The following MAP7 variants were observed in gnomAD, a reference collection of about 807,000 sequenced individuals.
MAP7 encodes the protein ensconsin.
MAP7 carries 52 observed loss-of-function variants against 94.8 expected under a neutral mutation model. That is an observed-to-expected ratio of 0.55 (90% confidence interval 0.44 to 0.69). MAP7 has a LOEUF of 0.69. Among genes scored for constraint, MAP7 ranks in the 30% least tolerant of loss-of-function variants. The pLI, the probability that MAP7 is intolerant of heterozygous loss-of-function variation, is 0.00. For missense variants in MAP7, 940 were observed against 964.6 expected (o/e 0.97, Z 0.34); for synonymous variants, 350 against 357.0 (o/e 0.98, Z 0.22).
chr6:136,388,627 T>C (rs1190306024), intron 4 of MAP7, 117 bp from the exon 5 acceptor site: 7 of 778,468 alleles, frequency 9.0e-6, no homozygotes, highest in Non-Finnish European at 1.5e-5. Flanking sequence ...CTATTCTTGA[T>C]CTCTAGCTGA....
chr6:136,364,220 C>T, intron 10 of MAP7: 1 of 540,180 alleles, frequency 1.9e-6, no homozygotes, highest in Non-Finnish European at 3.7e-6. Flanking sequence ...AGGATAAGAT[C>T]AATGCCCTCA....
chr6:136,377,652 A>G (rs1776574036), intron 7 of MAP7, 103 bp downstream of exon 7: 1 of 806,688 alleles, frequency 1.2e-6, no homozygotes, highest in East Asian at 2.7e-5. Context: ...CCACCGGGGG[A>G]AGAGAGAAGC....
At position 136,356,735 on chromosome 6, in the gene MAP7, G is replaced by A. The variant is rs770743019; in HGVS notation, c.1972C>T (p.Pro658Ser). The change falls in exon 16 of 18, where the codon CCA becomes TCA. Residue 658 changes from proline (P) to serine (S), a missense_variant. Coordinates refer to ENST00000354570, the MANE Select transcript of MAP7 (RefSeq NM_003980.6). ...APGNGKPVGS[P>S]HVVTSHQSKV... ...GACTGGTGTGAGGTAACCACATGTG[G>A]GCTGCCAACTGGCTTTCCATTTCCC... 3 of 1,614,114 alleles carry A rather than the reference G, an allele frequency of 1.9e-6. No homozygotes were observed. Among genetic ancestry groups the A allele is most frequent in the Non-Finnish European group, 2.5e-6 (3 of 1,180,026 alleles).
At chr6:136,541,011 G>A (rs886113796) in intron 1 of MAP7, among the ~76,000 whole-genome samples, 12 of 152,114 alleles carry the variant, frequency 7.9e-5, no homozygotes, top group African/African-American at 2.4e-4. Context: ...AACCCACCAC[G>A]CCTGTGGTGA....
At position 136,498,711 on chromosome 6, in the gene MAP7, C is replaced by T. The variant is rs1016445966; in HGVS notation, c.67+51631G>A. Among the ~76,000 whole-genome samples, 3 of 151,798 alleles carry T rather than the reference C, an allele frequency of 2.0e-5. No individual in the cohort carries two copies. The East Asian group carries it at 5.8e-4, about 29-fold the overall frequency. On this transcript the variant is annotated intron_variant, in intron 1 of 17. Coordinates refer to ENST00000354570, the MANE Select transcript of MAP7 (RefSeq NM_003980.6). ...GAACCAAGAGATCCCACAAGCCATT[C>T]GGTCACAGGTGGCTTGGGCAATTGT...
chr6:136,375,564 A>G (rs1004362349), intron 7 of MAP7, among the ~76,000 whole-genome samples: 4 of 152,240 alleles, frequency 2.6e-5, no homozygotes, highest in Non-Finnish European at 5.9e-5. Context: ...ACAATAGATG[A>G]AAAATAAAAA....
chr6:136,360,667 T>C (rs755792191), intron 13 of MAP7, 30 bp downstream of exon 13: 1 of 1,603,612 alleles, frequency 6.2e-7, no homozygotes, highest in Admixed American at 1.7e-5. Context: ...CAAGTTCGCG[T>C]CCCGGGCCTC....
chr6:136,479,270 T>C (rs895858136), intron 1 of MAP7, among the ~76,000 whole-genome samples: 1 of 152,118 alleles, frequency 6.6e-6, no homozygotes, highest in Non-Finnish European at 1.5e-5. Context: ...CATAATTATT[T>C]CAAGTGATGC....
chr6:136,429,174 G>A (rs1407751390), intron 1 of MAP7, among the ~76,000 whole-genome samples: 4 of 152,134 alleles, frequency 2.6e-5, no homozygotes, highest in African/African-American at 9.6e-5. Flanking sequence ...TGTTAATCTA[G>A]GATGATTTCA....
At chr6:136,369,660 A>T (rs1795123224) in intron 8 of MAP7, among the ~76,000 whole-genome samples, 1 of 152,222 alleles carries the variant, frequency 6.6e-6, no homozygotes, top group Non-Finnish European at 1.5e-5. Flanking sequence ...AACACCACTC[A>T]ATGAAACAAG....
At chr6:136,347,102 ACT>A (rs1367645600) in intron 16 of MAP7, among the ~76,000 whole-genome samples, 2 of 148,488 alleles carry the variant, frequency 1.3e-5, no homozygotes, top group African/African-American at 5.1e-5. Context: ...TTAGATTACC[ACT>A]CTCTGTTATA....
At chr6:136,538,066 G>A (rs1485636673) in intron 1 of MAP7, among the ~76,000 whole-genome samples, 1 of 152,204 alleles carries the variant, frequency 6.6e-6, no homozygotes, top group Non-Finnish European at 1.5e-5. Context: ...ACAGGCGTGA[G>A]CCACCATGCC....
chr6:136,496,709 G>A (rs1818321851), intron 1 of MAP7, among the ~76,000 whole-genome samples: 1 of 150,502 alleles, frequency 6.6e-6, no homozygotes, highest in Non-Finnish European at 1.5e-5. Context: ...GGAGGCTGAG[G>A]AGGGTGGATC....
intron 8 of MAP7, among the ~76,000 whole-genome samples, chr6:136,368,090 A>G (rs1447844745): frequency 6.6e-6 from 1 of 152,122 alleles, no homozygotes; most frequent in Non-Finnish European, 1.5e-5. Flanking sequence ...CTTTGAGCCA[A>G]TTCTTTCTTT....
At chr6:136,436,813 CA>C (rs1796491851) in intron 1 of MAP7, among the ~76,000 whole-genome samples, 1 of 152,204 alleles carries the variant, frequency 6.6e-6, no homozygotes, top group Admixed American at 6.5e-5. Flanking sequence ...TTGTATTTCA[CA>C]CAAGGAAAAT....
chr6:136,492,165 T>C (rs1013395666), intron 1 of MAP7, among the ~76,000 whole-genome samples: 1 of 152,202 alleles, frequency 6.6e-6, no homozygotes, highest in Non-Finnish European at 1.5e-5. Flanking sequence ...AGGCATTAGT[T>C]AGATTCTCAT....
chr6:136,436,446 C>A (rs1562398408), intron 1 of MAP7, among the ~76,000 whole-genome samples: 1 of 151,482 alleles, frequency 6.6e-6, no homozygotes, highest in African/African-American at 2.4e-5. Flanking sequence ...GTGGTGTGAT[C>A]ATAGCTTACT....
chr6:136,495,210 A>G (rs1364207863), intron 1 of MAP7, among the ~76,000 whole-genome samples: 3 of 152,168 alleles, frequency 2.0e-5, no homozygotes, highest in Admixed American at 1.3e-4. Context: ...AGAAGAGGAG[A>G]AAGACCTTAT....
chr6:136,503,417 G>A (rs1423296819), intron 1 of MAP7, among the ~76,000 whole-genome samples: 1 of 151,300 alleles, frequency 6.6e-6, no homozygotes, highest in Non-Finnish European at 1.5e-5. Context: ...AAAGGGGGGT[G>A]GGGGAAGAAG....
Sources: allele counts gnomAD v4.1 joint callset (sites outside exome capture counted in the v4.1 genomes callset), GRCh38; gene constraint gnomAD v4.1.1; transcripts MANE v1.5; gene names NCBI Gene and HGNC (gene_info 2026-07-23, HGNC 2026-07-21).